KIF3C: variants seen among roughly 807,000 people sequenced by gnomAD.
KIF3C encodes the protein kinesin-like protein KIF3C.
KIF3C carries 12 observed loss-of-function variants against 67.7 expected under a neutral mutation model. The ratio of observed to expected loss-of-function variants is 0.18; its 90% confidence interval spans 0.11 to 0.29. The LOEUF is 0.29. Among genes scored for constraint, KIF3C ranks in the 10% least tolerant of loss-of-function variants. KIF3C has a pLI of 1.00. For missense variants in KIF3C, 789 were observed against 1,059.6 expected, an observed-to-expected ratio of 0.74 and a Z score of 3.55; for synonymous variants, 393 against 426.2, an observed-to-expected ratio of 0.92 and a Z score of 0.96.
At chr2:25,978,172 C>A (rs180735336) in intron 1 of KIF3C, among the ~76,000 whole-genome samples, 123 of 152,178 alleles carry the variant, frequency 8.1e-4, no homozygotes, top group African/African-American at 2.8e-3. Context: ...GGGCTGGGGG[C>A]ATCAGAAGAC....
intron 1 of KIF3C, among the ~76,000 whole-genome samples, chr2:25,957,448 C>T (rs931400522): frequency 1.3e-5 from 2 of 152,040 alleles, no homozygotes; most frequent in Non-Finnish European, 2.9e-5. Context: ...TGGGGGGGTG[C>T]CCGATTTGAA....
intron 1 of KIF3C, among the ~76,000 whole-genome samples, chr2:25,960,133 G>A (rs963487958): frequency 1.3e-5 from 2 of 152,166 alleles, no homozygotes; most frequent in Non-Finnish European, 2.9e-5. Flanking sequence ...GCCAGGTGTG[G>A]TGGCTTATGC....
At position 25,980,994 on chromosome 2, in the gene KIF3C, C is replaced by T. The variant is rs375524604; in HGVS notation, c.924G>A (p.Ala308=). 2.5e-5 allele frequency: 41 copies of T among 1,614,180 alleles called. No individual in the cohort carries two copies. Among genetic ancestry groups the T allele is most frequent in the Middle Eastern group, 1.6e-4 (1 of 6,062 alleles). Residue 308 remains alanine, a synonymous_variant, in exon 1 of 8, where the codon GCG becomes GCA. Coordinates refer to ENST00000264712, the MANE Select transcript of KIF3C (RefSeq NM_002254.8). The surrounding 1 kb of genome is among the most constrained non-coding windows in gnomAD (Gnocchi z 7.6). The part of the protein sequence containing the change: ...SALGNVIAAL[A]GNRSTHIPYR... ...AGGGAATGTGGGTGCTCCTGTTGCC[C>T]GCCAGGGCAGCAATCACGTTGCCCA... is the stretch of plus-strand genomic sequence containing the variant.
intron 1 of KIF3C, among the ~76,000 whole-genome samples, chr2:25,959,152 C>T (rs1439557008): frequency 1.3e-5 from 2 of 152,156 alleles, no homozygotes; most frequent in Non-Finnish European, 2.9e-5. Context: ...CCTCCCACTC[C>T]ACATCTAACT....
rs1301410744 is a variant in KIF3C, at chr2:25,955,055, C to A, written c.1770+486G>T. Among the ~76,000 whole-genome samples, 1 of 152,192 alleles carries A rather than the reference C, an allele frequency of 6.6e-6. No individual in the cohort carries two copies. The highest frequency in any genetic ancestry group is 1.5e-5 in the Non-Finnish European group (1 of 68,042). ...TTTGCTGCTTCCTGCCCTAGACCCCCCTCACATGTACATGTCTTTCCCTTG... is the reference window on the plus strand; with the variant it reads ...TTTGCTGCTTCCTGCCCTAGACCCCACTCACATGTACATGTCTTTCCCTTG... On this transcript the variant is annotated intron_variant, in intron 3 of 7. Coordinates refer to ENST00000264712, the MANE Select transcript of KIF3C (RefSeq NM_002254.8). The surrounding 1 kb of genome is among the most constrained non-coding windows in gnomAD (Gnocchi z 5.0).
chr2:25,960,775 A>G (rs2149236627), intron 1 of KIF3C, among the ~76,000 whole-genome samples: 1 of 152,216 alleles, frequency 6.6e-6, no homozygotes. Flanking sequence ...GTCTCTATAA[A>G]AAATATAAAA....
intron 1 of KIF3C, among the ~76,000 whole-genome samples, chr2:25,965,945 G>A (rs1265394826): frequency 6.6e-6 from 1 of 152,070 alleles, no homozygotes; most frequent in East Asian, 1.9e-4. Flanking sequence ...GGGAGCTCCA[G>A]GGCACCATAG....
In KIF3C at chr2:25,926,601, G is replaced by A. The variant is rs988674487; in HGVS notation, c.*2377C>T. 2.0e-5 allele frequency: 3 copies of A among 152,180 alleles called. No individual in the cohort carries two copies. The highest frequency in any genetic ancestry group is 1.9e-4 in the East Asian group (1 of 5,198). The allele number at this position is 152,180 out of a possible 1,614,324, so 9.4% of individuals were successfully genotyped here. ...GAAGAGAAGTAAGGCAGTCAACTCC[G>A]TGACGATACTCATTCCTTTATTGTC... On this transcript the variant is annotated 3_prime_UTR_variant, in exon 8 of 8. Transcript: ENST00000264712.
intron 1 of KIF3C, among the ~76,000 whole-genome samples, chr2:25,971,909 TAGAGATGGGGTCTGG>T (rs1664296150): frequency 7.3e-6 from 1 of 136,524 alleles, no homozygotes; most frequent in Non-Finnish European, 1.6e-5. Context: ...TACTTTTTTG[TAGAGATGGGGTCTGG>T]CTTTGTTGTC....
chr2:25,969,323 A>C (rs7607198), intron 1 of KIF3C, among the ~76,000 whole-genome samples: 116,672 of 152,020 alleles, frequency 0.77, 45,994 homozygotes, highest in East Asian at 0.95. Flanking sequence ...CTTTTTTAAA[A>C]CATAGAACCC....
At chr2:25,971,793 G>A (rs748640321) in intron 1 of KIF3C, among the ~76,000 whole-genome samples, 9 of 149,094 alleles carry the variant, frequency 6.0e-5, no homozygotes, top group Admixed American at 3.4e-4. Context: ...CTGAAACCTC[G>A]AACTCCTAGG....
At chr2:25,954,635 T>G (rs183266185) in intron 3 of KIF3C, among the ~76,000 whole-genome samples, 1 of 152,322 alleles carries the variant, frequency 6.6e-6, no homozygotes, top group East Asian at 1.9e-4. Context: ...GCTATCAGCA[T>G]CGTGGAATGT....
At chr2:25,976,893 G>A (rs1424498937) in intron 1 of KIF3C, among the ~76,000 whole-genome samples, 5 of 152,202 alleles carry the variant, frequency 3.3e-5, no homozygotes, top group African/African-American at 4.8e-5. Context: ...TGTATACTGC[G>A]CACAAATATT....
chr2:25,940,727 T>C (rs1213258221), intron 5 of KIF3C, among the ~76,000 whole-genome samples: 1 of 126,330 alleles, frequency 7.9e-6, no homozygotes, highest in Non-Finnish European at 1.6e-5. Context: ...CTCAGCTCAC[T>C]GCAACCCCCG....
At position 25,951,910 on chromosome 2, in the gene KIF3C, G is replaced by C; in HGVS notation, c.1890-5C>G. The C allele has an allele frequency of 1.9e-6, 3 of 1,594,596 alleles. No homozygotes were observed. The highest frequency in any genetic ancestry group is 2.6e-6 in the Non-Finnish European group (3 of 1,162,454). ...AAGTTCTCGATGATTAGGTACCTGGGAGCAGGAATGAAGGAGTGATGGGAA... is the reference window on the plus strand; with the variant it reads ...AAGTTCTCGATGATTAGGTACCTGGCAGCAGGAATGAAGGAGTGATGGGAA... On this transcript the variant is annotated splice_polypyrimidine_tract_variant and splice_region_variant and intron_variant, in intron 4 of 7. Transcript: ENST00000264712.
At chr2:25,942,148 A>G (rs1372253433) in intron 5 of KIF3C, among the ~76,000 whole-genome samples, 6 of 152,080 alleles carry the variant, frequency 3.9e-5, no homozygotes, top group Admixed American at 3.9e-4. Flanking sequence ...ACCTGAGGTC[A>G]GGAGTTCGAG....
intron 5 of KIF3C, among the ~76,000 whole-genome samples, chr2:25,945,458 T>C (rs956195055): frequency 2.7e-5 from 4 of 149,320 alleles, no homozygotes; most frequent in Admixed American, 6.8e-5. Context: ...TCCCAGCTAC[T>C]TAGGAGGCTG....
At chr2:25,929,813 A>G in intron 6 of KIF3C, 142 bp downstream of exon 6, 1 of 641,542 alleles carries the variant, frequency 1.6e-6, no homozygotes, top group Non-Finnish European at 2.8e-6. Context: ...ACAGGGGTTC[A>G]CCATGTTAAC....
At chr2:25,963,162 GTA>G (rs1398199174) in intron 1 of KIF3C, among the ~76,000 whole-genome samples, 1 of 66,724 alleles carries the variant, frequency 1.5e-5, no homozygotes, top group African/African-American at 7.1e-5. Context: ...GTGTGTGTAT[GTA>G]TGTGTGTGTG....
Sources: allele counts gnomAD v4.1 joint callset (sites outside exome capture counted in the v4.1 genomes callset), GRCh38; gene constraint gnomAD v4.1.1; non-coding constraint Gnocchi (gnomAD v3.1); transcripts MANE v1.5; gene names NCBI Gene and HGNC (gene_info 2026-07-23, HGNC 2026-07-21).